Variants in NEDD9 observed in about 807,000 individuals in gnomAD.
NEDD9 encodes neural precursor cell expressed, developmentally down-regulated 9.
NEDD9 carries 26 observed loss-of-function variants against 76.6 expected under a neutral mutation model. That is an observed-to-expected ratio of 0.34 (90% CI 0.25 to 0.47). The LOEUF (loss-of-function observed/expected upper bound fraction) is 0.47, where lower values mean the gene tolerates loss of function less well. NEDD9 is among the 20% of genes least tolerant of loss of function. The pLI is 1.00. For missense variants in NEDD9, 937 were observed against 1,058.5 expected, an observed-to-expected ratio of 0.89 and a Z score of 1.59; for synonymous variants, 392 against 414.2, an observed-to-expected ratio of 0.95 and a Z score of 0.65.
At chr6:11,319,734 A>G (rs1761731962) in intron 2 of NEDD9, among the ~76,000 whole-genome samples, 1 of 112,262 alleles carries the variant, frequency 8.9e-6, no homozygotes, top group Non-Finnish European at 1.8e-5. Flanking sequence ...TCACACACTA[A>G]CATGCACACA....
At chr6:11,195,092 G>A (rs1389718939) in intron 2 of NEDD9, among the ~76,000 whole-genome samples, 1 of 152,206 alleles carries the variant, frequency 6.6e-6, no homozygotes, top group Non-Finnish European at 1.5e-5. Context: ...ACAGAACTAT[G>A]TGAAAAATGC....
chr6:11,237,988 C>T lies in NEDD9; in HGVS notation c.13-24261G>A, dbSNP rs1454131188. ...TTAAAAACAATCTACATATACCAAG[C>T]TTATTTCAAAAATAATTGGAGGCAG... On this transcript the variant is annotated intron_variant, in intron 3 of 3. Coordinates refer to the NEDD9 transcript ENST00000397378. The surrounding 1 kb of genome is among the most constrained non-coding windows in gnomAD (Gnocchi z 4.9). 6.6e-6 allele frequency among the ~76,000 whole-genome samples: 1 copy of T among 152,168 alleles called. No individual in the cohort carries two copies. Among genetic ancestry groups the T allele is most frequent in the Non-Finnish European group, 1.5e-5 (1 of 68,018 alleles).
intron 2 of NEDD9, among the ~76,000 whole-genome samples, chr6:11,323,368 G>A (rs980084647): frequency 6.6e-6 from 1 of 152,202 alleles, no homozygotes; most frequent in African/African-American, 2.4e-5. Context: ...AGCAGGCACT[G>A]CAAAGACAAC....
chr6:11,264,807 A>G (rs1166044902), intron 3 of NEDD9, among the ~76,000 whole-genome samples: 1 of 152,242 alleles, frequency 6.6e-6, no homozygotes, highest in Non-Finnish European at 1.5e-5. Context: ...GTCAACAGTG[A>G]AAAGCACAGT....
In NEDD9 at chr6:11,185,424, A is replaced by G. The variant is rs574540861; in HGVS notation, c.2243T>C (p.Phe748Ser). 6 of 1,614,258 alleles carry G rather than the reference A, an allele frequency of 3.7e-6. No homozygotes were observed. Among genetic ancestry groups the G allele is most frequent in the Non-Finnish European group, 4.2e-6 (5 of 1,180,048 alleles). Residue 748 changes from phenylalanine (F) to serine (S), a missense_variant, in exon 7 of 7, where the codon TTT becomes TCT. By Grantham distance (155) the Phe-to-Ser change is radical (BLOSUM62 -2). Coordinates refer to ENST00000379446, the MANE Select transcript of NEDD9 (RefSeq NM_006403.4). ...CAGTTTGTGTGCACTGAGGATGACA[A>G]ACTTGCTGTGTGCCACGAAGATTCG... is the stretch of plus-strand genomic sequence containing the variant. Reference protein sequence around the residue: ...PPRIFVAHSKFVILSAHKLVF... With the variant: ...PPRIFVAHSKSVILSAHKLVF...
At chr6:11,324,894 G>A (rs913658821) in intron 2 of NEDD9, among the ~76,000 whole-genome samples, 2 of 152,204 alleles carry the variant, frequency 1.3e-5, no homozygotes, top group Non-Finnish European at 2.9e-5. Flanking sequence ...ATATGACCAA[G>A]GAAACTTGGT....
At chr6:11,188,443 G>T in intron 5 of NEDD9, 136 bp from the exon 6 acceptor site, 1 of 774,090 alleles carries the variant, frequency 1.3e-6, no homozygotes, top group Non-Finnish European at 2.2e-6. Context: ...GTGAGGCACT[G>T]TGAACCCTAG....
chr6:11,315,974 A>G (rs1031195683), intron 2 of NEDD9, among the ~76,000 whole-genome samples: 1 of 152,216 alleles, frequency 6.6e-6, no homozygotes, highest in African/African-American at 2.4e-5. Flanking sequence ...TAAGTCCTTT[A>G]AACCCTTTTG....
chr6:11,339,632 CAT>C (rs1221522885), intron 1 of NEDD9, among the ~76,000 whole-genome samples: 2 of 152,184 alleles, frequency 1.3e-5, no homozygotes, highest in African/African-American at 2.4e-5. Context: ...CAATTGGACA[CAT>C]GTTATGCCAG....
At chr6:11,349,784 G>C (rs889700410) in intron 1 of NEDD9, among the ~76,000 whole-genome samples, 2 of 152,214 alleles carry the variant, frequency 1.3e-5, no homozygotes, top group African/African-American at 2.4e-5. Flanking sequence ...TGGAGGGTGA[G>C]AGGAGGGAGA....
chr6:11,382,204 A>G (rs1763076271), exon 1 of NEDD9: 1 of 152,278 alleles, frequency 6.6e-6, no homozygotes, highest in Non-Finnish European at 1.5e-5. Flanking sequence ...CTCTCTGGGC[A>G]GGCGGGCGGG....
At chr6:11,227,201 A>T (rs1759333038) in intron 1 of NEDD9, among the ~76,000 whole-genome samples, 1 of 152,224 alleles carries the variant, frequency 6.6e-6, no homozygotes, top group African/African-American at 2.4e-5. Context: ...AGGCCCACAG[A>T]ATACTCAACA....
chr6:11,313,499 G>T (rs566116762), intron 2 of NEDD9, among the ~76,000 whole-genome samples: 1 of 136,962 alleles, frequency 7.3e-6, no homozygotes, highest in East Asian at 2.0e-4. Flanking sequence ...ATGGATGGCA[G>T]ATGAATGAAT....
chr6:11,319,264 G>A (rs868606783), intron 2 of NEDD9, among the ~76,000 whole-genome samples: 1 of 152,110 alleles, frequency 6.6e-6, no homozygotes, highest in African/African-American at 2.4e-5. Flanking sequence ...CCAAGTTCAG[G>A]GCCAACGCCC....
chr6:11,262,403 G>T (rs1235836694), intron 3 of NEDD9, among the ~76,000 whole-genome samples: 1 of 152,182 alleles, frequency 6.6e-6, no homozygotes, highest in African/African-American at 2.4e-5. Flanking sequence ...TACCCTCCCA[G>T]ACTGTGCAAT....
intron 3 of NEDD9, among the ~76,000 whole-genome samples, chr6:11,192,932 CAAAAAAAAAAA>C (rs71550759): frequency 7.1e-5 from 2 of 28,152 alleles, no homozygotes; most frequent in African/African-American, 3.1e-4. Flanking sequence ...GACTCTGTCT[CAAAAAAAAAAA>C]AAAAAAAAAA....
At chr6:11,375,887 T>C (rs1052684881) in intron 1 of NEDD9, among the ~76,000 whole-genome samples, 3 of 152,162 alleles carry the variant, frequency 2.0e-5, no homozygotes, top group Admixed American at 2.0e-4. Context: ...TGCAGTGGCG[T>C]GATCTCGGCT....
intron 1 of NEDD9, among the ~76,000 whole-genome samples, chr6:11,358,073 C>T (rs1195459874): frequency 2.6e-5 from 4 of 151,982 alleles, no homozygotes; most frequent in Non-Finnish European, 5.9e-5. Context: ...CATGGTGAAA[C>T]CCCGTCTCTA....
intron 1 of NEDD9, among the ~76,000 whole-genome samples, chr6:11,356,122 A>G (rs1404046998): frequency 6.6e-6 from 1 of 152,164 alleles, no homozygotes; most frequent in Non-Finnish European, 1.5e-5. Context: ...TTTCTCTTGT[A>G]TGTGTTTCAA....
Sources: allele counts gnomAD v4.1 joint callset (sites outside exome capture counted in the v4.1 genomes callset), GRCh38; gene constraint gnomAD v4.1.1; non-coding constraint Gnocchi (gnomAD v3.1); transcripts MANE v1.5; gene names NCBI Gene and HGNC (gene_info 2026-07-23, HGNC 2026-07-21).